The following MAB21L4 variants were observed in gnomAD, a reference collection of about 807,000 sequenced individuals.
MAB21L4 encodes mab-21 like 4, also known as protein mab-21-like 4.
Under a neutral mutation model 32.4 loss-of-function variants are expected in MAB21L4, and 25 were observed. That is an observed-to-expected ratio of 0.77 (90% CI 0.56 to 1.08). The LOEUF is 1.08. MAB21L4 is among the 50% of genes least tolerant of loss of function. MAB21L4 has a pLI of 0.00. For missense variants in MAB21L4, 638 were observed against 611.0 expected (o/e 1.04, Z -0.47); for synonymous variants, 280 against 276.8 (o/e 1.01, Z -0.11).
Position 240,895,570 on chromosome 2 carries a change from A to G in MAB21L4, c.428T>C (p.Ile143Thr), listed in dbSNP as rs760409945. The G allele has an allele frequency of 9.4e-5, 152 of 1,611,978 alleles. No homozygotes were observed. Among genetic ancestry groups the G allele is most frequent in the Non-Finnish European group, 1.2e-4 (143 of 1,179,658 alleles). ...SEGDAKCRGH[I>T]VPSKVLCVLK... ...GACACACAGGACCTTGCTGGGCACA[A>G]TGTGTCCACGGCACTTGGCGTCACC... is the stretch of plus-strand genomic sequence containing the variant. Residue 143 changes from isoleucine to threonine, a missense_variant, in exon 1 of 5, where the codon ATT becomes ACT. Physicochemically the swap from Ile to Thr is moderately conservative, Grantham distance 89. Coordinates refer to ENST00000388934, the MANE Select transcript of MAB21L4 (RefSeq NM_001085437.3).
At position 240,886,203 on chromosome 2, in the gene MAB21L4, G is replaced by C. The variant is rs1213892432; in HGVS notation, c.*867C>G. On this transcript the variant is annotated 3_prime_UTR_variant, in exon 5 of 5. Coordinates refer to ENST00000388934, the MANE Select transcript of MAB21L4 (RefSeq NM_001085437.3). Reference sequence around the variant, plus strand: ...AAAGAGGAAGAGAGCAAAAGGAGAGGGGGAGGGGCCACACACTCAAAAAAC... The same window carrying C: ...AAAGAGGAAGAGAGCAAAAGGAGAGCGGGAGGGGCCACACACTCAAAAAAC... 6.6e-6 allele frequency: 1 copy of C among 152,264 alleles called. No homozygotes were observed. Among genetic ancestry groups the C allele is most frequent in the African/African-American group, 2.4e-5 (1 of 41,334 alleles). The allele number at this position is 152,264 out of a possible 1,614,324, so 9.4% of individuals were successfully genotyped here. A position where few individuals can be genotyped will look rare whatever the true frequency, so the allele number is the denominator to read the frequency against.
chr2:240,893,694 G>A (rs574939797), intron 1 of MAB21L4, among the ~76,000 whole-genome samples: 1 of 152,050 alleles, frequency 6.6e-6, no homozygotes, highest in Non-Finnish European at 1.5e-5. Context: ...CAGCTTCAGG[G>A]GCTGTGGGCG....
At chr2:240,895,401 C>T in intron 1 of MAB21L4, 83 bp downstream of exon 1, 1 of 1,311,736 alleles carries the variant, frequency 7.6e-7, no homozygotes, top group South Asian at 1.5e-5. Context: ...CACACATGTG[C>T]ACTCACACAC....
chr2:240,890,108 A>G lies in MAB21L4; in HGVS notation c.791T>C (p.Leu264Pro). The G allele has an allele frequency of 1.2e-6, 2 of 1,612,544 alleles. No individual in the cohort carries two copies. The highest frequency in any genetic ancestry group is 1.7e-6 in the Non-Finnish European group (2 of 1,179,256). The change falls in exon 3 of 5, where the codon CTG becomes CCG. Residue 264 changes from leucine to proline, a missense_variant. Coordinates refer to ENST00000388934, the MANE Select transcript of MAB21L4 (RefSeq NM_001085437.3). ...GAGGCTGTCCAGGCGATGACCCTGC[A>G]GGGAGCCCAGCTCCCCCAGCAGCCT... ...LTRLLGELGS[L>P]QGHRLDSLSI...
Position 240,886,335 on chromosome 2 carries a change from C to A in MAB21L4, c.*735G>T, listed in dbSNP as rs766126142. On this transcript the variant is annotated 3_prime_UTR_variant, in exon 5 of 5. Transcript: ENST00000388934. ...GCCCCTCCTCCAACACTGGGGATTA[C>A]AAGTCTACCTGAGACTTGGGTGGGG... is the stretch of plus-strand genomic sequence containing the variant. 6.6e-6 allele frequency: 1 copy of A among 152,210 alleles called. No homozygotes were observed. The highest frequency in any genetic ancestry group is 1.5e-5 in the Non-Finnish European group (1 of 68,072). The allele number at this position is 152,210 out of a possible 1,614,324, so 9.4% of individuals were successfully genotyped here.
chr2:240,890,595 G>C (rs2059136376), intron 2 of MAB21L4, among the ~76,000 whole-genome samples: 1 of 152,184 alleles, frequency 6.6e-6, no homozygotes. Context: ...GCTCAGAGCA[G>C]CTCACACCAG....
At chr2:240,895,244 G>T (rs2059178084) in intron 1 of MAB21L4, among the ~76,000 whole-genome samples, 1 of 152,256 alleles carries the variant, frequency 6.6e-6, no homozygotes, top group African/African-American at 2.4e-5. Context: ...GGCATTTGGA[G>T]CTGGAAGACC....
intron 1 of MAB21L4, among the ~76,000 whole-genome samples, chr2:240,893,841 G>A (rs2059170092): frequency 6.6e-6 from 1 of 152,038 alleles, no homozygotes; most frequent in Non-Finnish European, 1.5e-5. Flanking sequence ...TGTCTCACAG[G>A]TGGGGACAGG....
In MAB21L4 at chr2:240,895,653, C is replaced by G; in HGVS notation, c.345G>C (p.Arg115Ser). ...TCCACCGCTCCAGGCCAGCCCCTTC[C>G]CTGGGCACACCCAGGTGGCATAATT... ...GLELCHLGVP[R>S]EGAGLERWTT... is the part of the protein sequence containing the mutation. The change falls in exon 1 of 5, where the codon AGG becomes AGC. Residue 115 changes from arginine (R) to serine (S), a missense_variant. By Grantham distance (110) the Arg-to-Ser change is moderately radical. Transcript: ENST00000388934. The G allele has an allele frequency of 6.2e-7, 1 of 1,612,974 alleles. No homozygotes were observed. The highest frequency in any genetic ancestry group is 8.5e-7 in the Non-Finnish European group (1 of 1,180,026).
At chr2:240,890,715 T>C (rs12477800) in intron 2 of MAB21L4, among the ~76,000 whole-genome samples, 81,986 of 152,012 alleles carry the variant, frequency 0.54, 23,266 homozygotes, top group African/African-American at 0.73. Flanking sequence ...ACGCGCCCAG[T>C]GTCCCCCGCA....
At chr2:240,893,249 C>G (rs1242126543) in intron 1 of MAB21L4, among the ~76,000 whole-genome samples, 1 of 152,208 alleles carries the variant, frequency 6.6e-6, no homozygotes, top group Non-Finnish European at 1.5e-5. Context: ...CCGGAGGGAG[C>G]CTGGTCCTGG....
At chr2:240,893,472 G>A (rs2059166890) in intron 1 of MAB21L4, among the ~76,000 whole-genome samples, 1 of 152,224 alleles carries the variant, frequency 6.6e-6, no homozygotes, top group Non-Finnish European at 1.5e-5. Flanking sequence ...CACCTCATCT[G>A]CCGTGGGCCA....
rs193117565 is a variant in MAB21L4 at position 240,886,704 on chromosome 2, C to T, written c.*366G>A. On this transcript the variant is annotated 3_prime_UTR_variant, in exon 5 of 5. Transcript: ENST00000388934. The stretch of plus-strand genomic sequence containing the variant: ...ACCCAGCACATTCATTTTTTCAAAA[C>T]CAAATATACAGCATTTCGTCACCAA... The T allele has an allele frequency of 7.1e-5, 15 of 210,062 alleles. No homozygotes were observed. In the East Asian group the frequency reaches 1.5e-3, roughly 22 times the overall value. 13.0% of individuals were successfully genotyped at this position (210,062 alleles called of 1,614,324 possible).
At chr2:240,895,039 G>A (rs190103423) in intron 1 of MAB21L4, among the ~76,000 whole-genome samples, 47 of 152,300 alleles carry the variant, frequency 3.1e-4, no homozygotes, top group Non-Finnish European at 4.6e-4. Context: ...AAGTGGGCAC[G>A]GGATGGCCTC....
intron 1 of MAB21L4, 121 bp downstream of exon 1, chr2:240,895,363 C>T: frequency 4.0e-6 from 4 of 989,046 alleles, no homozygotes; most frequent in Non-Finnish European, 5.8e-6. Flanking sequence ...AGACAGTCGC[C>T]ACCCTGTGTG....
intron 2 of MAB21L4, among the ~76,000 whole-genome samples, chr2:240,891,064 G>T (rs747186859): frequency 1.3e-5 from 2 of 152,218 alleles, no homozygotes; most frequent in Admixed American, 6.5e-5. Flanking sequence ...TCTGGATGGG[G>T]TGCGGTCCCT....
At position 240,888,294 on chromosome 2, in the gene MAB21L4, T is replaced by A. The variant is rs754274900; in HGVS notation, c.1249A>T (p.Lys417Ter). Residue 417 changes from lysine (K) to a stop codon, truncating the protein, a stop_gained and splice_region_variant, in exon 4 of 5, where the codon AAG becomes TAG. Coordinates refer to ENST00000388934, the MANE Select transcript of MAB21L4 (RefSeq NM_001085437.3). LOFTEE classifies it high-confidence loss of function. ...ATAYFDVLLDKFQVFNIQDKD... is the reference protein window; with the variant it reads ...ATAYFDVLLD ...AGGCCCCCGCAGCCAGCACCCACCT[T>A]GTCCAGCAGGACGTCGAAGTAGGCA... The A allele has an allele frequency of 2.6e-6, 4 of 1,553,188 alleles. No homozygotes were observed. The African/African-American group carries it at 5.6e-5, about 22-fold the overall frequency.
chr2:240,886,921 T>C lies in MAB21L4; in HGVS notation c.*149A>G, dbSNP rs2059099903. ...TGCCCCACCAGGCACTGAAAGACTC[T>C]CAGAGGCCACTGCTGGGGACAAAAT... On this transcript the variant is annotated 3_prime_UTR_variant, in exon 5 of 5. Coordinates refer to ENST00000388934, the MANE Select transcript of MAB21L4 (RefSeq NM_001085437.3). 2 of 608,928 alleles carry C rather than the reference T, an allele frequency of 3.3e-6. No individual in the cohort carries two copies. The highest frequency in any genetic ancestry group is 5.7e-6 in the Non-Finnish European group (2 of 349,534). 37.7% of individuals were successfully genotyped at this position (608,928 alleles called of 1,614,324 possible).
At position 240,887,026 on chromosome 2, in the gene MAB21L4, T is replaced by C; in HGVS notation, c.*44A>G. On this transcript the variant is annotated 3_prime_UTR_variant, in exon 5 of 5. Coordinates refer to ENST00000388934, the MANE Select transcript of MAB21L4 (RefSeq NM_001085437.3). The stretch of plus-strand genomic sequence containing the variant: ...GCCTCCCATGGTGCAGTGCAGAGTC[T>C]GTTGGGGAGCCAAGAACAGGTGGCT... 1.4e-6 allele frequency: 2 copies of C among 1,467,708 alleles called. No individual in the cohort carries two copies. The highest frequency in any genetic ancestry group is 1.9e-6 in the Non-Finnish European group (2 of 1,047,394). The allele number at this position is 1,467,708 out of a possible 1,614,324, so 90.9% of individuals were successfully genotyped here.
Sources: allele counts gnomAD v4.1 joint callset (sites outside exome capture counted in the v4.1 genomes callset), GRCh38; gene constraint gnomAD v4.1.1; transcripts MANE v1.5; gene names NCBI Gene and HGNC (gene_info 2026-07-23, HGNC 2026-07-21).